GOLGA3: variants seen among roughly 807,000 people sequenced by gnomAD.
GOLGA3 encodes the protein golgin A3.
Under a neutral mutation model 169.4 loss-of-function variants are expected in GOLGA3, and 75 were observed. The ratio of observed to expected loss-of-function variants is 0.44; its 90% CI spans 0.37 to 0.54. The LOEUF is 0.54. Among genes scored for constraint, GOLGA3 ranks in the 20% least tolerant of loss-of-function variants. The pLI, the probability that GOLGA3 is intolerant of heterozygous loss-of-function variation, is 0.00. For missense variants in GOLGA3, 1,899 were observed against 1,930.0 expected, an observed-to-expected ratio of 0.98 and a Z score of 0.30; for synonymous variants, 824 against 822.4, an observed-to-expected ratio of 1.00 and a Z score of -0.03.
chr12:132,801,090 G>A (rs1040911038), intron 8 of GOLGA3, among the ~76,000 whole-genome samples: 9 of 152,270 alleles, frequency 5.9e-5, no homozygotes, highest in Admixed American at 2.0e-4. Flanking sequence ...GTCGGTCTGG[G>A]CGTCTCCAGC....
intron 13 of GOLGA3, among the ~76,000 whole-genome samples, chr12:132,787,077 C>A (rs1419328508): frequency 1.3e-5 from 2 of 152,122 alleles, no homozygotes; most frequent in Non-Finnish European, 2.9e-5. Flanking sequence ...CCTCAGCCTC[C>A]CGAGTGGCTG....
chr12:132,814,279 C>T (rs1381513267), intron 3 of GOLGA3, among the ~76,000 whole-genome samples: 2 of 152,068 alleles, frequency 1.3e-5, no homozygotes, highest in African/African-American at 4.8e-5. Context: ...CCACCTCGGC[C>T]TCTCAAAGTG....
chr12:132,821,204 C>T (rs1222084459), intron 2 of GOLGA3, among the ~76,000 whole-genome samples: 1 of 148,600 alleles, frequency 6.7e-6, no homozygotes, highest in Non-Finnish European at 1.5e-5. Context: ...GTTGGGAGTT[C>T]GTGGCCAGCC....
intron 12 of GOLGA3, among the ~76,000 whole-genome samples, 155 bp from the exon 13 acceptor site, chr12:132,789,445 G>A (rs1593274448): frequency 3.9e-5 from 6 of 152,172 alleles, no homozygotes; most frequent in Admixed American, 3.9e-4. Context: ...AGACTCCATC[G>A]ACTGAGACAC....
chr12:132,808,558 A>T lies in GOLGA3; in HGVS notation c.520-9T>A. 6.4e-7 allele frequency: 1 copy of T among 1,560,032 alleles called. No individual in the cohort carries two copies. Among genetic ancestry groups the T allele is most frequent in the Non-Finnish European group, 8.7e-7 (1 of 1,155,044 alleles). On this transcript the variant is annotated splice_polypyrimidine_tract_variant and intron_variant, in intron 4 of 23. Transcript: ENST00000450791. ...GTTGCAGGTTGACTGGACTGAGAAG[A>T]AAACAAAAGTACAAAAATTACATTT... is the stretch of plus-strand genomic sequence containing the variant.
In GOLGA3 at chr12:132,786,458, C is replaced by T. The variant is rs748517091; in HGVS notation, c.3004G>A (p.Ala1002Thr). 1.3e-5 allele frequency: 21 copies of T among 1,613,506 alleles called. No individual in the cohort carries two copies. In the Admixed American group the frequency reaches 1.5e-4, roughly 12 times the overall value. The change falls in exon 15 of 24, where the codon GCC becomes ACC. Residue 1002 changes from alanine (A) to threonine (T), a missense_variant. By Grantham distance (58) the Ala-to-Thr change is moderately conservative. Coordinates refer to ENST00000450791, the MANE Select transcript of GOLGA3 (RefSeq NM_001389683.1). ...AGGCGGCGGCTGAGGATGCCCACGG[C>T]GTTCTCGTAGGCCTTATGTTTGGTC... ...MKTKHKAYEN[A>T]VGILSRRLQE...
rs567114557 is a variant in GOLGA3 at position 132,787,043 on chromosome 12, TC to T, written c.2812-257del. Reference sequence around the variant, plus strand: ...ATCTCAGCTCACTGCAACCTCCGCCTCCCAGGTTCAAGTGATTCTCCTGCCT... The same window carrying T: ...ATCTCAGCTCACTGCAACCTCCGCCTCCAGGTTCAAGTGATTCTCCTGCCT... On this transcript the variant is annotated intron_variant, in intron 13 of 23. Coordinates refer to ENST00000450791, the MANE Select transcript of GOLGA3 (RefSeq NM_001389683.1). 1.3e-3 allele frequency among the ~76,000 whole-genome samples: 199 copies of T among 151,930 alleles called. 7 individuals are homozygous for T. The South Asian group carries it at 0.041, about 31-fold the overall frequency.
intron 3 of GOLGA3, 56 bp from the exon 4 acceptor site, chr12:132,813,475 T>C: frequency 3.2e-6 from 3 of 948,860 alleles, no homozygotes; most frequent in Non-Finnish European, 5.0e-6. Flanking sequence ...TGCAGAACAA[T>C]CAGGCACAAG....
At chr12:132,822,804 C>T (rs1402856852) in intron 1 of GOLGA3, among the ~76,000 whole-genome samples, 3 of 152,162 alleles carry the variant, frequency 2.0e-5, no homozygotes, top group African/African-American at 7.2e-5. Context: ...CACCTGTAAT[C>T]CCAGCTACTC....
chr12:132,786,491 C>T lies in GOLGA3; in HGVS notation c.2971G>A (p.Glu991Lys). The change falls in exon 15 of 24, where the codon GAG becomes AAG. Residue 991 changes from glutamate to lysine, a missense_variant. Coordinates refer to ENST00000450791, the MANE Select transcript of GOLGA3 (RefSeq NM_001389683.1). ...LGSDLTSAQK[E>K]MKTKHKAYEN... ...TAGGCCTTATGTTTGGTCTTCATCTCCTTCTGGGCGCTGGTCAAGTCTGAG... is the reference window on the plus strand; with the variant it reads ...TAGGCCTTATGTTTGGTCTTCATCTTCTTCTGGGCGCTGGTCAAGTCTGAG... The T allele has an allele frequency of 1.2e-6, 2 of 1,613,788 alleles. No homozygotes were observed. The highest frequency in any genetic ancestry group is 1.6e-4 in the Middle Eastern group (1 of 6,062).
chr12:132,808,731 C>T lies in GOLGA3; in HGVS notation c.520-182G>A, dbSNP rs571312307. ...CCTCCGATCCGTGGTGGTCTCACTGCCGCAAGGCCCCACTCTAGTGACCAG... is the reference window on the plus strand; with the variant it reads ...CCTCCGATCCGTGGTGGTCTCACTGTCGCAAGGCCCCACTCTAGTGACCAG... On this transcript the variant is annotated intron_variant, in intron 4 of 23. Transcript: ENST00000450791. Among the ~76,000 whole-genome samples the T allele has an allele frequency of 2.6e-5, 4 of 152,294 alleles. No individual in the cohort carries two copies. In the East Asian group the frequency reaches 5.8e-4, roughly 22 times the overall value.
chr12:132,796,821 CCTGT>C lies in GOLGA3; in HGVS notation c.1939-125_1939-122del, dbSNP rs571633602. On this transcript the variant is annotated intron_variant, in intron 9 of 23. Transcript: ENST00000450791. ...GCATGGGCCCCATCCACCTCCTCAT[CCTGT>C]CTACCGACTGCAGACTGAGGGCCCA... 457 of 1,001,556 alleles carry C rather than the reference CCTGT, an allele frequency of 4.6e-4. 2 individuals are homozygous for C. In the African/African-American group the frequency reaches 6.6e-3, roughly 14 times the overall value. The allele number at this position is 1,001,556 out of a possible 1,614,324, so 62.0% of individuals were successfully genotyped here.
At chr12:132,784,770 C>T (rs1412822107) in intron 15 of GOLGA3, among the ~76,000 whole-genome samples, 1 of 142,594 alleles carries the variant, frequency 7.0e-6, no homozygotes, top group Non-Finnish European at 1.5e-5. Flanking sequence ...GTGTTCACAC[C>T]CCACACCACA....
At chr12:132,812,734 A>T (rs1949778606) in intron 4 of GOLGA3, among the ~76,000 whole-genome samples, 1 of 152,246 alleles carries the variant, frequency 6.6e-6, no homozygotes, top group Non-Finnish European at 1.5e-5. Context: ...AATGCCATCA[A>T]ATAGCACCGC....
At chr12:132,798,614 T>G (rs998301817) in intron 8 of GOLGA3, 137 bp from the exon 9 acceptor site, 6 of 390,724 alleles carry the variant, frequency 1.5e-5, no homozygotes, top group South Asian at 1.3e-4. Context: ...CACTACCCAC[T>G]ACACGTCTTC....
rs760220787 is a variant in GOLGA3, at chr12:132,808,195, CG to C, written c.873del (p.Asp292ThrfsTer175). The C allele has an allele frequency of 6.2e-7, 1 of 1,613,498 alleles. No homozygotes were observed. Among genetic ancestry groups the C allele is most frequent in the Admixed American group, 1.7e-5 (1 of 59,992 alleles). On this transcript the variant is annotated frameshift_variant, in exon 5 of 24. Coordinates refer to ENST00000450791, the MANE Select transcript of GOLGA3 (RefSeq NM_001389683.1). LOFTEE classifies it high-confidence loss of function. ...ASVVSEISLS[P>X]DTDDRLENTS... ...GTGTTCTCCAGACGGTCGTCAGTGTCGGGGGACAGGCTGATCTCAGACACAA... is the reference window on the plus strand; with the variant it reads ...GTGTTCTCCAGACGGTCGTCAGTGTCGGGGACAGGCTGATCTCAGACACAA...
rs766035628 is a variant in GOLGA3 at position 132,804,910 on chromosome 12, G to C, written c.1403C>G (p.Ser468Trp). Residue 468 changes from serine (S) to tryptophan (W), a missense_variant, in exon 7 of 24, where the codon TCG becomes TGG. Ser to Trp is a radical substitution (Grantham distance 177). Transcript: ENST00000450791. This position sits in a 1 kb window ranked among gnomAD's most constrained non-coding sequence, Gnocchi z 4.1. ...CGACTGCTTCAGGGTGTCCACCTCC[G>C]AGCTCAGCGAATCCTGCCGCTGCTG... ...SSQQRQDSLSSEVDTLKQSCW... is the reference protein window; with the variant it reads ...SSQQRQDSLSWEVDTLKQSCW... 2.5e-6 allele frequency: 4 copies of C among 1,613,840 alleles called. No homozygotes were observed. The highest frequency in any genetic ancestry group is 2.2e-5 in the East Asian group (1 of 44,882).
intron 11 of GOLGA3, among the ~76,000 whole-genome samples, chr12:132,793,057 C>T (rs113832777): frequency 1.0e-4 from 2 of 19,844 alleles, no homozygotes; most frequent in Admixed American, 5.1e-4. Flanking sequence ...GCACGGGACC[C>T]GCACTCGGAG....
In GOLGA3 at chr12:132,777,626, G is replaced by A; in HGVS notation, c.3722+40C>T. The A allele has an allele frequency of 1.2e-6, 2 of 1,610,740 alleles. No individual in the cohort carries two copies. Among genetic ancestry groups the A allele is most frequent in the Non-Finnish European group, 1.7e-6 (2 of 1,178,156 alleles). ...TGAATTAGACCCCGCCCATTGCCAG[G>A]ACAGCCATGTTTGAGGGCTGGCGGG... On this transcript the variant is annotated intron_variant, in intron 19 of 23. Coordinates refer to ENST00000450791, the MANE Select transcript of GOLGA3 (RefSeq NM_001389683.1). This position sits in a 1 kb window ranked among gnomAD's most constrained non-coding sequence, Gnocchi z 4.7.
Sources: gnomAD v4.1 joint callset for allele counts (sites outside exome capture counted in the v4.1 genomes callset) on GRCh38, gnomAD v4.1.1 for gene constraint, Gnocchi (gnomAD v3.1) non-coding constraint, MANE v1.5 for transcripts, NCBI Gene and HGNC (gene_info 2026-07-23, HGNC 2026-07-21) for gene names.